STPG2: variants seen among roughly 807,000 people sequenced by gnomAD.
STPG2 encodes sperm tail PG-rich repeat containing 2, also known as sperm-tail PG-rich repeat-containing protein 2.
STPG2 carries 56 observed loss-of-function variants against 54.2 expected under a neutral mutation model. The observed-to-expected ratio is 1.03, with a 90% CI of 0.83 to 1.29. The LOEUF is 1.29. STPG2 is among the 50% of genes most tolerant of loss of function. The pLI is 0.00. For synonymous variants in STPG2, 200 were observed against 181.8 expected, an observed-to-expected ratio of 1.10 and a Z score of -0.81; for missense variants, 596 against 544.9, an observed-to-expected ratio of 1.09 and a Z score of -0.93.
At chr4:97,841,397 T>C (rs577624334) in intron 8 of STPG2, among the ~76,000 whole-genome samples, 12 of 151,682 alleles carry the variant, frequency 7.9e-5, no homozygotes, top group Non-Finnish European at 1.8e-4. Flanking sequence ...TCTTTCATCA[T>C]TTATGGTTCT....
intron 8 of STPG2, among the ~76,000 whole-genome samples, chr4:97,863,553 A>C (rs1438530824): frequency 6.6e-6 from 1 of 152,214 alleles, no homozygotes; most frequent in African/African-American, 2.4e-5. Flanking sequence ...TTCTGAAATT[A>C]TTCCAGTCAA....
At chr4:97,714,513 T>C (rs1724229314) in intron 9 of STPG2, among the ~76,000 whole-genome samples, 1 of 152,188 alleles carries the variant, frequency 6.6e-6, no homozygotes. Context: ...CTATCTAAAG[T>C]TCCTTGTGGG....
At chr4:97,551,121 C>T (rs1010417747) in intron 4 of STPG2, among the ~76,000 whole-genome samples, 16 of 151,996 alleles carry the variant, frequency 1.1e-4, no homozygotes, top group African/African-American at 3.6e-4. Flanking sequence ...CTGATTGGTC[C>T]GTTTTTACAG....
chr4:98,020,985 A>G (rs906660377), intron 5 of STPG2, among the ~76,000 whole-genome samples: 6 of 152,098 alleles, frequency 3.9e-5, no homozygotes, highest in Non-Finnish European at 8.8e-5. Flanking sequence ...GGATTCATTA[A>G]TTCTTTGAAG....
chr4:98,074,040 A>G (rs1738083916), intron 5 of STPG2, among the ~76,000 whole-genome samples: 1 of 152,178 alleles, frequency 6.6e-6, no homozygotes, highest in Non-Finnish European at 1.5e-5. Flanking sequence ...CTGTGTGTAT[A>G]TATTTGGTAT....
At chr4:98,090,980 T>A (rs945685458) in intron 5 of STPG2, among the ~76,000 whole-genome samples, 4 of 56,252 alleles carry the variant, frequency 7.1e-5, no homozygotes, top group Non-Finnish European at 1.6e-4. Context: ...CACAAATACA[T>A]ACACACACAC....
At chr4:97,904,294 T>C (rs1731308391) in intron 8 of STPG2, among the ~76,000 whole-genome samples, 1 of 152,204 alleles carries the variant, frequency 6.6e-6, no homozygotes, top group African/African-American at 2.4e-5. Context: ...CCCTGACCCC[T>C]GACCCCCGAG....
intron 7 of STPG2, among the ~76,000 whole-genome samples, chr4:97,965,630 G>A (rs776426433): frequency 5.9e-5 from 9 of 152,156 alleles, no homozygotes; most frequent in Non-Finnish European, 1.2e-4. Flanking sequence ...GCCCCTCTGG[G>A]ACGAAGCTTC....
At chr4:97,457,605 G>A (rs1729560846) in intron 4 of STPG2, among the ~76,000 whole-genome samples, 1 of 152,118 alleles carries the variant, frequency 6.6e-6, no homozygotes, top group Non-Finnish European at 1.5e-5. Flanking sequence ...CCAAATCACT[G>A]TTTGCTCAAA....
intron 9 of STPG2, among the ~76,000 whole-genome samples, chr4:97,793,951 C>CAT (rs1277253117): frequency 6.6e-6 from 1 of 151,804 alleles, no homozygotes; most frequent in African/African-American, 2.4e-5. Flanking sequence ...TATACTTTTC[C>CAT]ATATATATTT....
At chr4:97,799,444 C>T (rs1207021598) in intron 9 of STPG2, among the ~76,000 whole-genome samples, 1 of 152,116 alleles carries the variant, frequency 6.6e-6, no homozygotes, top group African/African-American at 2.4e-5. Flanking sequence ...ACTTATGAAA[C>T]TTTGTTTGGC....
intron 5 of STPG2, among the ~76,000 whole-genome samples, chr4:98,096,621 C>A (rs1738867205): frequency 1.3e-5 from 2 of 151,852 alleles, no homozygotes; most frequent in Middle Eastern, 3.4e-3. Flanking sequence ...TAATAAAGAT[C>A]AGAGTAGAAA....
intron 10 of STPG2, chr4:97,572,868 TA>T (rs1214567722): frequency 3.9e-5 from 6 of 152,174 alleles, no homozygotes; most frequent in African/African-American, 1.4e-4. Flanking sequence ...TTAGAGATGA[TA>T]ATTTTTTAAT....
intron 3 of STPG2, among the ~76,000 whole-genome samples, chr4:98,121,333 AG>A: frequency 6.6e-6 from 1 of 151,986 alleles, no homozygotes; most frequent in Non-Finnish European, 1.5e-5. Context: ...TGATGCCTCT[AG>A]TTTTGTTCTT....
At chr4:97,760,321 G>A (rs933464797) in intron 9 of STPG2, among the ~76,000 whole-genome samples, 1 of 152,136 alleles carries the variant, frequency 6.6e-6, no homozygotes, top group African/African-American at 2.4e-5. Flanking sequence ...CTAGGTATAT[G>A]TTCAGTAAAT....
chr4:97,495,481 T>G (rs548735409), intron 4 of STPG2, among the ~76,000 whole-genome samples: 2 of 151,512 alleles, frequency 1.3e-5, no homozygotes, highest in Non-Finnish European at 3.0e-5. Flanking sequence ...TGAATTTGCT[T>G]TCTAGTATCG....
intron 10 of STPG2, among the ~76,000 whole-genome samples, chr4:97,574,932 A>G (rs369897043): frequency 5.9e-5 from 9 of 152,048 alleles, no homozygotes; most frequent in Admixed American, 3.3e-4. Context: ...AAATAAGGAC[A>G]ATCAGAAATG....
intron 4 of STPG2, among the ~76,000 whole-genome samples, chr4:97,525,493 C>CA (rs1376630252): frequency 6.6e-6 from 1 of 151,780 alleles, no homozygotes; most frequent in Non-Finnish European, 1.5e-5. Context: ...CAAAACTCTT[C>CA]AAAAAAACCC....
At chr4:97,951,204 C>T (rs769962182) in intron 7 of STPG2, among the ~76,000 whole-genome samples, 4 of 152,148 alleles carry the variant, frequency 2.6e-5, no homozygotes, top group Admixed American at 1.3e-4. Context: ...TCCCCAATTT[C>T]CAAGTTTTGG....
Sources: allele counts gnomAD v4.1 joint callset (sites outside exome capture counted in the v4.1 genomes callset), GRCh38; gene constraint gnomAD v4.1.1; transcripts MANE v1.5; gene names NCBI Gene and HGNC (gene_info 2026-07-23, HGNC 2026-07-21).